Variants in CMTM7 observed in about 807,000 individuals in gnomAD.
The protein encoded by CMTM7 is CKLF like MARVEL transmembrane domain containing 7, also known as CKLF-like MARVEL transmembrane domain-containing protein 7.
In CMTM7, 7 loss-of-function variants were observed where a neutral mutation model predicts 19.3. The ratio of observed to expected loss-of-function variants is 0.36; its 90% CI spans 0.21 to 0.68. The LOEUF (loss-of-function observed/expected upper bound fraction) is 0.68. Among genes scored for constraint, CMTM7 ranks in the 30% least tolerant of loss-of-function variants. The pLI, the probability that CMTM7 is intolerant of heterozygous loss-of-function variation, is 0.60. For synonymous variants in CMTM7, 87 were observed against 99.3 expected (o/e 0.88, Z 0.74); for missense variants, 193 against 232.6 (o/e 0.83, Z 1.11).
intron 1 of CMTM7, among the ~76,000 whole-genome samples, chr3:32,421,010 C>T (rs1453213189): frequency 1.3e-5 from 2 of 152,124 alleles, no homozygotes; most frequent in East Asian, 1.9e-4. Flanking sequence ...CCCACCTCAC[C>T]GTGCAGCCTG....
chr3:32,418,690 C>G (rs1342252094), intron 1 of CMTM7, among the ~76,000 whole-genome samples: 1 of 152,184 alleles, frequency 6.6e-6, no homozygotes, highest in Non-Finnish European at 1.5e-5. Context: ...ACACTTCTCT[C>G]AAAAGACCAG....
intron 1 of CMTM7, among the ~76,000 whole-genome samples, chr3:32,416,746 T>G (rs1036837603): frequency 6.6e-6 from 1 of 152,148 alleles, no homozygotes; most frequent in Non-Finnish European, 1.5e-5. Context: ...TGGGCTCTGG[T>G]GTAGATGAAC....
intron 1 of CMTM7, among the ~76,000 whole-genome samples, chr3:32,392,337 C>A (rs1016047843): frequency 1.3e-5 from 2 of 152,356 alleles, no homozygotes; most frequent in Admixed American, 1.3e-4. Context: ...CGGCCACCCC[C>A]CTGCGAAGCC....
At chr3:32,405,126 G>A (rs954300706) in intron 1 of CMTM7, among the ~76,000 whole-genome samples, 1 of 152,232 alleles carries the variant, frequency 6.6e-6, no homozygotes, top group African/African-American at 2.4e-5. Flanking sequence ...TAACAGCCAT[G>A]TGAGCTCGGA....
chr3:32,426,742 G>C (rs561374207), intron 1 of CMTM7, among the ~76,000 whole-genome samples: 5 of 152,132 alleles, frequency 3.3e-5, no homozygotes, highest in Non-Finnish European at 5.9e-5. Flanking sequence ...GTCATGACTT[G>C]TAAATAAATC....
intron 1 of CMTM7, among the ~76,000 whole-genome samples, chr3:32,418,125 T>C (rs1418820631): frequency 6.6e-6 from 1 of 152,212 alleles, no homozygotes; most frequent in Non-Finnish European, 1.5e-5. Context: ...CCTGTCCTTA[T>C]TGTGGTTTTA....
intron 1 of CMTM7, among the ~76,000 whole-genome samples, chr3:32,407,974 G>T (rs1034335554): frequency 6.6e-6 from 1 of 152,152 alleles, no homozygotes; most frequent in Admixed American, 6.5e-5. Context: ...TGGAAAAACC[G>T]TCTTCTCACA....
chr3:32,395,748 A>G (rs1484270161), intron 1 of CMTM7, among the ~76,000 whole-genome samples: 1 of 152,220 alleles, frequency 6.6e-6, no homozygotes, highest in African/African-American at 2.4e-5. Context: ...AAAAGTTACC[A>G]TGTGACCCAG....
intron 1 of CMTM7, among the ~76,000 whole-genome samples, chr3:32,432,166 T>C (rs1019317142): frequency 6.6e-6 from 1 of 152,200 alleles, no homozygotes; most frequent in East Asian, 1.9e-4. Context: ...GGTTCTCACT[T>C]TCTTTAGATC....
At chr3:32,407,509 G>A (rs1290340990) in intron 1 of CMTM7, among the ~76,000 whole-genome samples, 4 of 152,162 alleles carry the variant, frequency 2.6e-5, no homozygotes, top group East Asian at 1.9e-4. Context: ...TTGGAAAGCC[G>A]TAAGGCCACA....
At chr3:32,393,060 G>A (rs993475609) in intron 1 of CMTM7, among the ~76,000 whole-genome samples, 7 of 152,174 alleles carry the variant, frequency 4.6e-5, no homozygotes, top group East Asian at 3.8e-4. Context: ...TGTGGGGAAA[G>A]GAGTGTGGGG....
chr3:32,420,902 C>G (rs1206766033), intron 1 of CMTM7, among the ~76,000 whole-genome samples: 1 of 152,140 alleles, frequency 6.6e-6, no homozygotes. Flanking sequence ...ATCGCTTGAC[C>G]ATGTTGTCAA....
At chr3:32,425,920 C>T (rs1418244716) in intron 1 of CMTM7, among the ~76,000 whole-genome samples, 9 of 152,022 alleles carry the variant, frequency 5.9e-5, no homozygotes, top group African/African-American at 1.5e-4. Context: ...CCGAGGTGGG[C>T]GGATCACCTG....
Position 32,449,307 on chromosome 3 carries a change from G to C in CMTM7, c.334-147G>C. The C allele has an allele frequency of 2.9e-6, 2 of 689,584 alleles. No homozygotes were observed. Among genetic ancestry groups the C allele is most frequent in the Non-Finnish European group, 5.3e-6 (2 of 375,572 alleles). 42.7% of individuals were successfully genotyped at this position (689,584 alleles called of 1,614,324 possible). A position where few individuals can be genotyped will look rare whatever the true frequency, so the allele number is the denominator to read the frequency against. ...CCCGCATGTTGGCTGCCTGCGAGCG[G>C]CTCTGCTCATCCCATTTGCGTGTTG... On this transcript the variant is annotated intron_variant, in intron 2 of 4. Transcript: ENST00000334983. The surrounding 1 kb of genome is among the most constrained non-coding windows in gnomAD (Gnocchi z 4.5).
intron 1 of CMTM7, among the ~76,000 whole-genome samples, chr3:32,407,740 T>A (rs1696110234): frequency 6.6e-6 from 1 of 152,204 alleles, no homozygotes; most frequent in African/African-American, 2.4e-5. Context: ...CTCTGTAGCA[T>A]AACATGCATC....
At chr3:32,405,027 G>T (rs1225710871) in intron 1 of CMTM7, among the ~76,000 whole-genome samples, 1 of 152,216 alleles carries the variant, frequency 6.6e-6, no homozygotes, top group Non-Finnish European at 1.5e-5. Context: ...GCATCCAAGG[G>T]TCATGCCTAG....
At chr3:32,434,784 T>G (rs1331737454) in intron 1 of CMTM7, among the ~76,000 whole-genome samples, 1 of 152,110 alleles carries the variant, frequency 6.6e-6, no homozygotes, top group Admixed American at 6.5e-5. Context: ...TATAAGAGAC[T>G]AAGTAAGTTA....
At chr3:32,429,263 G>C (rs564005093) in intron 1 of CMTM7, among the ~76,000 whole-genome samples, 35 of 149,130 alleles carry the variant, frequency 2.3e-4, no homozygotes, top group Non-Finnish European at 3.7e-4. Context: ...CTTAATGACT[G>C]TTAATTCTTT....
intron 1 of CMTM7, among the ~76,000 whole-genome samples, chr3:32,393,553 T>A (rs1051404037): frequency 6.6e-6 from 1 of 152,152 alleles, no homozygotes; most frequent in African/African-American, 2.4e-5. Context: ...AAAAGTCTTC[T>A]TGTTGGTCTA....
Sources: gnomAD v4.1 joint callset for allele counts (sites outside exome capture counted in the v4.1 genomes callset) on GRCh38, gnomAD v4.1.1 for gene constraint, Gnocchi (gnomAD v3.1) non-coding constraint, MANE v1.5 for transcripts, NCBI Gene and HGNC (gene_info 2026-07-23, HGNC 2026-07-21) for gene names.